FIRRM: variants seen among roughly 807,000 people sequenced by gnomAD.
FIRRM encodes the protein FIGNL1 interacting regulator of recombination and mitosis.
At chr1:169,842,645 T>C in the FIRRM span, 4 of 1,337,028 alleles carry the variant, frequency 3.0e-6, no homozygotes, top group African/African-American at 5.9e-5. Context: ...CTAATTCTTT[T>C]GGGTGCTTGG....
At chr1:169,786,630 C>G in the FIRRM span, among the ~76,000 whole-genome samples, 1 of 152,064 alleles carries the variant, frequency 6.6e-6, no homozygotes, top group Non-Finnish European at 1.5e-5. Context: ...AGCGCACCAT[C>G]TAGTTTACAG....
At chr1:169,848,500 A>G in the FIRRM span, among the ~76,000 whole-genome samples, 1 of 152,236 alleles carries the variant, frequency 6.6e-6, no homozygotes, top group East Asian at 1.9e-4. Flanking sequence ...CACATTATAG[A>G]CAGTATCTCA....
chr1:169,803,142 A>G, the FIRRM span: 2 of 1,608,526 alleles, frequency 1.2e-6, no homozygotes, highest in Non-Finnish European at 1.7e-6. Flanking sequence ...AATATATTCT[A>G]AGTGAAATTT....
chr1:169,830,400 A>T, the FIRRM span: 2 of 1,351,172 alleles, frequency 1.5e-6, no homozygotes, highest in African/African-American at 2.9e-5. Context: ...CTGACAGTAG[A>T]TAATTTTATA....
the FIRRM span, chr1:169,827,263 C>T: frequency 7.7e-7 from 1 of 1,298,138 alleles, no homozygotes; most frequent in Non-Finnish European, 1.1e-6. Context: ...CACTGATTTC[C>T]CCTAGCCATT....
At chr1:169,784,733 A>T in the FIRRM span, 1 of 152,256 alleles carries the variant, frequency 6.6e-6, no homozygotes, top group Non-Finnish European at 1.5e-5. Context: ...CACACACAGA[A>T]CACAAATAGA....
At chr1:169,788,459 T>C in the FIRRM span, among the ~76,000 whole-genome samples, 1,330 of 152,380 alleles carry the variant, frequency 8.7e-3, 11 homozygotes, top group Non-Finnish European at 0.015. Context: ...ATACAATCTA[T>C]AATACATATG....
the FIRRM span, chr1:169,853,537 T>TA: frequency 1.4e-5 from 9 of 646,832 alleles, no homozygotes; most frequent in Non-Finnish European, 2.6e-6. Context: ...CCAGGGCTTT[T>TA]AGCCAGCACT....
the FIRRM span, among the ~76,000 whole-genome samples, chr1:169,790,226 G>A: frequency 6.6e-6 from 1 of 151,756 alleles, no homozygotes; most frequent in Non-Finnish European, 1.5e-5. Flanking sequence ...TGCCTAGGCT[G>A]GAGGGCAATG....
chr1:169,853,762 T>C, the FIRRM span: 1 of 1,613,946 alleles, frequency 6.2e-7, no homozygotes, highest in Non-Finnish European at 8.5e-7. Context: ...TTCCCAGCCT[T>C]CAGCCTCTCC....
the FIRRM span, chr1:169,851,475 G>A: frequency 5.4e-6 from 1 of 186,704 alleles, no homozygotes; most frequent in African/African-American, 2.4e-5. Flanking sequence ...TGGGATTAGA[G>A]GCATGAGCCA....
chr1:169,853,070 C>A, the FIRRM span: 1 of 1,355,456 alleles, frequency 7.4e-7, no homozygotes, highest in Non-Finnish European at 1.0e-6. Flanking sequence ...AGATATAAAA[C>A]AAATTTTGTA....
At chr1:169,829,326 T>C in the FIRRM span, 1 of 1,613,618 alleles carries the variant, frequency 6.2e-7, no homozygotes. Flanking sequence ...TCTCTCTACC[T>C]GTTCATTTAC....
the FIRRM span, among the ~76,000 whole-genome samples, chr1:169,801,769 T>C: frequency 6.6e-6 from 1 of 152,168 alleles, no homozygotes; most frequent in East Asian, 1.9e-4. Context: ...CTAAAGATAC[T>C]TTGGTGCCAA....
At chr1:169,793,178 A>G in the FIRRM span, 1 of 1,614,192 alleles carries the variant, frequency 6.2e-7, no homozygotes, top group East Asian at 2.2e-5. Context: ...CAGGAGGTCA[A>G]AGGTACATTC....
At chr1:169,802,352 T>G in the FIRRM span, among the ~76,000 whole-genome samples, 71 of 152,290 alleles carry the variant, frequency 4.7e-4, 1 homozygote, top group Middle Eastern at 3.4e-3. Flanking sequence ...TTGAGTGATT[T>G]TTTAAAAAAA....
the FIRRM span, chr1:169,807,744 G>T: frequency 4.7e-6 from 7 of 1,495,950 alleles, no homozygotes; most frequent in Non-Finnish European, 6.2e-6. Flanking sequence ...TAAGTTACTT[G>T]ATGTGTTACT....
At chr1:169,812,972 A>G in the FIRRM span, among the ~76,000 whole-genome samples, 10,084 of 152,286 alleles carry the variant, frequency 0.066, 431 homozygotes, top group Non-Finnish European at 0.099. Flanking sequence ...ATCATATTCC[A>G]TTAGCGAACC....
At chr1:169,814,237 T>G in the FIRRM span, among the ~76,000 whole-genome samples, 2 of 152,168 alleles carry the variant, frequency 1.3e-5, no homozygotes, top group East Asian at 3.8e-4. Context: ...AGGTTAAAAT[T>G]TATCAAAACT....
Sources: gnomAD v4.1 joint callset for allele counts (sites outside exome capture counted in the v4.1 genomes callset) on GRCh38, gnomAD v4.1.1 for gene constraint, MANE v1.5 for transcripts, NCBI Gene and HGNC (gene_info 2026-07-23, HGNC 2026-07-21) for gene names.